Variants in PLEC observed in about 807,000 individuals in gnomAD.
PLEC encodes plectin, also known as hemidesmosomal protein 1.
PLEC carries 216 observed loss-of-function variants against 392.8 expected under a neutral mutation model. The observed-to-expected ratio is 0.55, with a 90% confidence interval of 0.49 to 0.62. The LOEUF is 0.62. Ranked by LOEUF, PLEC falls within the 20% of genes least tolerant of loss-of-function variation. The probability of loss-of-function intolerance (pLI) is 0.00; values close to 1 mark genes in which losing one functional copy is unlikely to be tolerated. For synonymous variants in PLEC, 3,621 were observed against 2,980.6 expected, an observed-to-expected ratio of 1.21 and a Z score of -7.00; for missense variants, 6,863 against 6,563.4, an observed-to-expected ratio of 1.05 and a Z score of -1.58.
intron 1 of PLEC, among the ~76,000 whole-genome samples, chr8:143,972,426 G>A (rs571793858): frequency 3.7e-4 from 56 of 152,338 alleles, no homozygotes; most frequent in African/African-American, 1.3e-3. Context: ...GTCGCTGGAG[G>A]ACGCCTGAAG....
At position 143,921,049 on chromosome 8, in the gene PLEC, A is replaced by G; in HGVS notation, c.8772T>C (p.Ile2924=). 1 of 1,612,360 alleles carries G rather than the reference A, an allele frequency of 6.2e-7. No homozygotes were observed. The highest frequency in any genetic ancestry group is 1.1e-5 in the South Asian group (1 of 91,080). Residue 2924 remains isoleucine (I), a synonymous_variant, in exon 32 of 32, where the codon ATT becomes ATC. Transcript: ENST00000345136. ...FGKFQGKTVT[I]WEIINSEYFT... is the part of the protein sequence containing the mutation. ...AGTATTCCGAGTTGATGATCTCCCAAATGGTCACCGTCTTGCCCTGGAACT... is the reference window on the plus strand; with the variant it reads ...AGTATTCCGAGTTGATGATCTCCCAGATGGTCACCGTCTTGCCCTGGAACT...
In PLEC at chr8:143,923,183, G is replaced by A. The variant is rs1182288804; in HGVS notation, c.6746C>T (p.Ala2249Val). The stretch of plus-strand genomic sequence containing the variant: ...ACGCAAGATGAGTGCGCGGTTCTCA[G>A]CCTCGATGCGTGCCTTGAGCTTGCT... The part of the protein sequence containing the change: ...ELSKLKARIE[A>V]ENRALILRDK... The change falls in exon 31 of 32, where the codon GCT (alanine) becomes GTT (valine). Residue 2249 changes from alanine to valine, a missense_variant. Ala to Val is a moderately conservative substitution (Grantham distance 64, BLOSUM62 0). Transcript: ENST00000345136. The A allele has an allele frequency of 1.9e-6, 3 of 1,602,358 alleles. No individual in the cohort carries two copies. Among genetic ancestry groups the A allele is most frequent in the East Asian group, 2.2e-5 (1 of 44,874 alleles).
rs782818143 is a variant in PLEC at position 143,923,029 on chromosome 8, G to A, written c.6900C>T (p.Asp2300=). The A allele has an allele frequency of 1.2e-6, 2 of 1,611,330 alleles. No individual in the cohort carries two copies. The highest frequency in any genetic ancestry group is 1.7e-6 in the Non-Finnish European group (2 of 1,179,652). Residue 2300 remains aspartate (D), a synonymous_variant, in exon 31 of 32, where the codon GAC becomes GAT. Transcript: ENST00000345136. The part of the protein sequence containing the change: ...AARLRQLAEE[D]LAQQRALAEK... ...CTGCCAAGGCCCGCTGCTGTGCCAG[G>A]TCCTCCTCTGCCAGCTGCCGCAGTC...
upstream of PLEC, among the ~76,000 whole-genome samples, chr8:143,957,076 C>T (rs1272953390): frequency 1.3e-5 from 2 of 152,104 alleles, no homozygotes; most frequent in African/African-American, 4.8e-5. Context: ...GAGGGGGGCG[C>T]CTGGAGACGG....
upstream of PLEC, among the ~76,000 whole-genome samples, chr8:143,944,288 C>T (rs375649230): frequency 2.0e-5 from 3 of 152,316 alleles, no homozygotes; most frequent in East Asian, 5.8e-4. Context: ...CACACACCCT[C>T]CCTCCCTCCC....
At chr8:143,944,155 G>A (rs2132541685), upstream of PLEC, among the ~76,000 whole-genome samples, 1 of 152,180 alleles carries the variant, frequency 6.6e-6, no homozygotes, top group South Asian at 2.1e-4. Flanking sequence ...CCTGCGCAGG[G>A]CTACTGACGC....
At chr8:143,975,148 G>A (rs782757667), upstream of PLEC, 3 of 1,593,468 alleles carry the variant, frequency 1.9e-6, no homozygotes, top group South Asian at 1.1e-5. The surrounding 1 kb of genome is among the most constrained non-coding windows in gnomAD (Gnocchi z 9.9). Context: ...GTGCCAAGGA[G>A]GTGCACAGGC....
upstream of PLEC, among the ~76,000 whole-genome samples, chr8:143,951,164 G>A (rs1330010385): frequency 2.0e-5 from 3 of 152,030 alleles, no homozygotes; most frequent in African/African-American, 7.2e-5. Context: ...TGGGGCAAGT[G>A]GGGGCGGATA....
Position 143,925,361 on chromosome 8 carries a change from G to A in PLEC, c.4568C>T (p.Ala1523Val). 1 of 1,555,918 alleles carries A rather than the reference G, an allele frequency of 6.4e-7. No individual in the cohort carries two copies. Among genetic ancestry groups the A allele is most frequent in the East Asian group, 2.4e-5 (1 of 42,020 alleles). ...CTTCTCGCGCGCCGCCTCGGCCTCG[G>A]CCTTCACGCGCGAGGCCAGCTCCAC... ...AEVELASRVK[A>V]EAEAAREKQR... Residue 1523 changes from alanine (A) to valine (V), a missense_variant, in exon 31 of 32, where the codon GCC becomes GTC. Transcript: ENST00000345136.
At position 143,920,352 on chromosome 8, in the gene PLEC, C is replaced by A. The variant is rs200446289; in HGVS notation, c.9469G>T (p.Ala3157Ser). The A allele has an allele frequency of 5.5e-5, 88 of 1,594,768 alleles. No individual in the cohort carries two copies. The highest frequency in any genetic ancestry group is 8.5e-6 in the Non-Finnish European group (10 of 1,175,584). ...TCATCCAGGCAGCCTCGGGCGCAGG[C>A]GACATCCAGGGGCACGCGGTGGCTC... ...SKSHRVPLDV[A>S]CARGCLDEET... is the part of the protein sequence containing the mutation. The change falls in exon 32 of 32, where the codon GCC (alanine) becomes TCC (serine). Residue 3157 changes from alanine to serine, a missense_variant. Transcript: ENST00000345136.
chr8:143,922,381 C>T lies in PLEC; in HGVS notation c.7440G>A (p.Gln2480=), dbSNP rs1554689595. 6.2e-7 allele frequency: 1 copy of T among 1,602,236 alleles called. No individual in the cohort carries two copies. Among genetic ancestry groups the T allele is most frequent in the Non-Finnish European group, 8.5e-7 (1 of 1,179,958 alleles). Residue 2480 remains glutamine (Q), a synonymous_variant, in exon 32 of 32, where the codon CAG becomes CAA. Coordinates refer to ENST00000345136, the MANE Select transcript of PLEC (RefSeq NM_201384.3). ...GCGTCTCCTGCAGCAGCTGCTCCTG[C>T]TGCACCGTCTGCATCTGCAGAAGAA... ...QLKSEEMQTV[Q]QEQLLQETQA...
upstream of PLEC, chr8:143,958,635 C>CA (rs1327760417): frequency 1.6e-5 from 7 of 451,462 alleles, no homozygotes; most frequent in Non-Finnish European, 3.1e-5. The surrounding 1 kb of genome is among the most constrained non-coding windows in gnomAD (Gnocchi z 4.9). Context: ...TCTCCGAGCA[C>CA]AAGCAGGTCC....
rs781934903 is a variant in PLEC at position 143,927,996 on chromosome 8, G to A, written c.3261-4C>T. ...CACCAGGCTGATGGTCTTGAGCCTG[G>A]CGGGAAAGCGGGGCTCAGGGCCATG... On this transcript the variant is annotated splice_region_variant and splice_polypyrimidine_tract_variant and intron_variant, in intron 25 of 31. Coordinates refer to ENST00000345136, the MANE Select transcript of PLEC (RefSeq NM_201384.3). 1 of 1,590,266 alleles carries A rather than the reference G, an allele frequency of 6.3e-7. No homozygotes were observed. Among genetic ancestry groups the A allele is most frequent in the South Asian group, 1.1e-5 (1 of 90,378 alleles).
rs199990259 is a variant in PLEC at position 143,924,118 on chromosome 8, C to T, written c.5811G>A (p.Ala1937=). 691 of 1,598,882 alleles carry T rather than the reference C, an allele frequency of 4.3e-4. No individual in the cohort carries two copies. The highest frequency in any genetic ancestry group is 5.5e-4 in the Non-Finnish European group (646 of 1,179,466). ...ILALKASFEK[A]AAGKAELELE... ...GCTCCAGCTCCGCCTTGCCAGCGGC[C>T]GCCTTCTCGAAGCTCGCCTTCAGCG... is the stretch of plus-strand genomic sequence containing the variant. The change falls in exon 31 of 32, where the codon GCG becomes GCA. Residue 1937 remains alanine, a synonymous_variant. Transcript: ENST00000345136.
exon 1 of PLEC, chr8:143,950,283 G>A (rs782128690): frequency 9.6e-6 from 15 of 1,570,592 alleles, no homozygotes; most frequent in South Asian, 2.3e-5. Flanking sequence ...AGCTCCTTCC[G>A]ACGGTAGACC....
chr8:143,967,090 G>A (rs541680106), intron 1 of PLEC, among the ~76,000 whole-genome samples: 4 of 152,240 alleles, frequency 2.6e-5, no homozygotes, highest in East Asian at 3.9e-4. Flanking sequence ...TAGGCCAGGC[G>A]CGGTGGCTCA....
chr8:143,944,052 A>G, upstream of PLEC: 2 of 1,028,956 alleles, frequency 1.9e-6, no homozygotes, highest in Admixed American at 2.6e-5. Flanking sequence ...CAGCCCCACA[A>G]CAGCTCCCGC....
At chr8:143,936,848 C>T (rs911635740) in intron 5 of PLEC, 131 bp downstream of exon 5, 1 of 733,268 alleles carries the variant, frequency 1.4e-6, no homozygotes. Context: ...CCAGGTGCCA[C>T]CATACCTACG....
upstream of PLEC, chr8:143,944,064 C>T (rs1358908092): frequency 1.2e-4 from 105 of 880,134 alleles, no homozygotes; most frequent in Non-Finnish European, 1.5e-4. Flanking sequence ...AGCTCCCGCC[C>T]GCCTCCTCTC....
Sources: gnomAD v4.1 joint callset for allele counts (sites outside exome capture counted in the v4.1 genomes callset) on GRCh38, gnomAD v4.1.1 for gene constraint, Gnocchi (gnomAD v3.1) non-coding constraint, MANE v1.5 for transcripts, NCBI Gene and HGNC (gene_info 2026-07-23, HGNC 2026-07-21) for gene names.